Variants in EPC2 observed in about 807,000 individuals in gnomAD.
EPC2 encodes the protein enhancer of polycomb homolog 2.
EPC2 carries 14 observed loss-of-function variants against 92.1 expected under a neutral mutation model. The observed-to-expected ratio is 0.15, with a 90% CI of 0.10 to 0.24. EPC2 has a LOEUF of 0.24. EPC2 is among the 10% of genes least tolerant of loss of function. The pLI is 1.00. For missense variants in EPC2, 755 were observed against 971.5 expected, an observed-to-expected ratio of 0.78 and a Z score of 2.96; for synonymous variants, 340 against 334.7, an observed-to-expected ratio of 1.02 and a Z score of -0.17.
intron 1 of EPC2, among the ~76,000 whole-genome samples, chr2:148,659,617 G>A (rs1574565400): frequency 6.6e-6 from 1 of 152,018 alleles, no homozygotes; most frequent in Admixed American, 6.6e-5. Context: ...TAGGCACTCT[G>A]GCTTATGCTT....
chr2:148,726,346 T>G (rs771853046), intron 2 of EPC2, among the ~76,000 whole-genome samples: 5 of 152,200 alleles, frequency 3.3e-5, no homozygotes, highest in Non-Finnish European at 7.4e-5. Context: ...AGTAGTTCTA[T>G]TTTAAATTTT....
At chr2:148,693,319 A>T (rs773517077) in intron 2 of EPC2, among the ~76,000 whole-genome samples, 1 of 152,156 alleles carries the variant, frequency 6.6e-6, no homozygotes, top group Non-Finnish European at 1.5e-5. Flanking sequence ...GGTTCATCAC[A>T]TACTTGCCTG....
At chr2:148,741,185 G>T (rs541475983) in intron 2 of EPC2, among the ~76,000 whole-genome samples, 1 of 151,974 alleles carries the variant, frequency 6.6e-6, no homozygotes, top group Admixed American at 6.6e-5. Context: ...AGATTATATC[G>T]CATACTTAAA....
chr2:148,684,865 C>T (rs374644323), intron 1 of EPC2, among the ~76,000 whole-genome samples: 4 of 152,158 alleles, frequency 2.6e-5, no homozygotes, highest in South Asian at 2.1e-4. Flanking sequence ...TCATACATGC[C>T]GGAATTTGTA....
chr2:148,776,513 A>C (rs1292439194), intron 10 of EPC2, among the ~76,000 whole-genome samples: 1 of 152,160 alleles, frequency 6.6e-6, no homozygotes, highest in Non-Finnish European at 1.5e-5. Flanking sequence ...AGATGTATAT[A>C]GTCCTGGAAA....
At chr2:148,660,569 C>T (rs917333626) in intron 1 of EPC2, among the ~76,000 whole-genome samples, 3 of 150,962 alleles carry the variant, frequency 2.0e-5, no homozygotes, top group Non-Finnish European at 4.4e-5. Flanking sequence ...ACATATCAGT[C>T]AGAGTTTTTT....
At chr2:148,685,922 T>C (rs1350288747) in intron 1 of EPC2, among the ~76,000 whole-genome samples, 2 of 152,234 alleles carry the variant, frequency 1.3e-5, no homozygotes, top group Non-Finnish European at 2.9e-5. Context: ...CTTTCGGTTA[T>C]TCACAATCTT....
At chr2:148,762,964 A>G (rs1275637508) in intron 6 of EPC2, among the ~76,000 whole-genome samples, 162 bp downstream of exon 6, 1 of 152,164 alleles carries the variant, frequency 6.6e-6, no homozygotes, top group East Asian at 1.9e-4. Context: ...ATTTATATAC[A>G]TACTGACCAA....
At chr2:148,752,485 G>C (rs1288459944) in intron 3 of EPC2, among the ~76,000 whole-genome samples, 1 of 152,126 alleles carries the variant, frequency 6.6e-6, no homozygotes, top group Admixed American at 6.6e-5. Flanking sequence ...TGGTTCTTAT[G>C]GTGTGGTCTT....
chr2:148,770,815 T>C lies in EPC2; in HGVS notation c.1254T>C (p.His418=). The change falls in exon 9 of 14, where the codon CAT becomes CAC. Residue 418 remains histidine (H), a synonymous_variant. Coordinates refer to ENST00000258484, the MANE Select transcript of EPC2 (RefSeq NM_015630.4). ...AGCCTCGTTTGGACCAAGCTAACCA[T>C]TCATGTGAAAATTCAGAATTGGCAG... The part of the protein sequence containing the change: ...YYAPRLDQAN[H]SCENSELADL... The C allele has an allele frequency of 6.2e-7, 1 of 1,613,112 alleles. No individual in the cohort carries two copies. Among genetic ancestry groups the C allele is most frequent in the South Asian group, 1.1e-5 (1 of 90,670 alleles).
chr2:148,662,422 G>A (rs1223142217), intron 1 of EPC2, among the ~76,000 whole-genome samples: 7 of 152,084 alleles, frequency 4.6e-5, no homozygotes, highest in East Asian at 1.9e-4. Flanking sequence ...CAACCCAAAC[G>A]TCCAACAACG....
chr2:148,782,540 A>G (rs937363555), intron 11 of EPC2, among the ~76,000 whole-genome samples: 3 of 143,646 alleles, frequency 2.1e-5, no homozygotes, highest in African/African-American at 7.4e-5. Context: ...ATGTCTCCAA[A>G]AAAAACAAAA....
chr2:148,673,772 G>T (rs1160068604), intron 1 of EPC2, among the ~76,000 whole-genome samples: 3 of 152,050 alleles, frequency 2.0e-5, no homozygotes, highest in African/African-American at 4.8e-5. Context: ...TTTCAGTGGA[G>T]ATGGGGTTTT....
At chr2:148,723,321 A>T (rs534915681) in intron 2 of EPC2, among the ~76,000 whole-genome samples, 2 of 152,332 alleles carry the variant, frequency 1.3e-5, no homozygotes, top group South Asian at 4.1e-4. Context: ...ATTCACTGTG[A>T]GAACATGGTT....
chr2:148,656,103 T>C (rs937503306), intron 1 of EPC2, among the ~76,000 whole-genome samples: 3 of 151,470 alleles, frequency 2.0e-5, no homozygotes, highest in East Asian at 2.0e-4. Context: ...AATTCTCTTA[T>C]ACTCATTTTG....
chr2:148,775,985 G>T (rs1455656860), intron 10 of EPC2, among the ~76,000 whole-genome samples: 1 of 151,772 alleles, frequency 6.6e-6, no homozygotes, highest in African/African-American at 2.4e-5. Context: ...GTTTCACTGT[G>T]TTAGCCAGGA....
rs114628738 is a variant in EPC2, at chr2:148,745,862, C to G, written c.459+2095C>G. On this transcript the variant is annotated intron_variant, in intron 3 of 13. Transcript: ENST00000258484. ...TTAACAGAAAACGACAAAAGATAGA[C>G]TTAGGCAAACCTGCCTCTGTTATTC... Among the ~76,000 whole-genome samples, 1,090 of 152,166 alleles carry G rather than the reference C, an allele frequency of 7.2e-3. 6 individuals are homozygous for G. The highest frequency in any genetic ancestry group is 0.025 in the African/African-American group (1,024 of 41,528).
intron 2 of EPC2, among the ~76,000 whole-genome samples, chr2:148,711,054 T>G (rs1218071046): frequency 6.6e-6 from 1 of 152,160 alleles, no homozygotes; most frequent in African/African-American, 2.4e-5. Context: ...GCTTTTGGTG[T>G]TATTGTTTTT....
intron 3 of EPC2, among the ~76,000 whole-genome samples, chr2:148,752,734 A>G (rs1683104248): frequency 6.6e-6 from 1 of 152,194 alleles, no homozygotes; most frequent in Non-Finnish European, 1.5e-5. Flanking sequence ...TCTAGAAATA[A>G]TCATCATAGG....
Sources: allele counts gnomAD v4.1 joint callset (sites outside exome capture counted in the v4.1 genomes callset), GRCh38; gene constraint gnomAD v4.1.1; transcripts MANE v1.5; gene names NCBI Gene and HGNC (gene_info 2026-07-23, HGNC 2026-07-21).